Variants in CHIC1 observed in about 807,000 individuals in gnomAD.
The protein encoded by CHIC1 is cysteine-rich hydrophobic domain-containing protein 1.
A neutral mutation model predicts 18.5 loss-of-function variants in CHIC1; 7 were observed. That is an observed-to-expected ratio of 0.38 (90% CI 0.22 to 0.71). The LOEUF (loss-of-function observed/expected upper bound fraction) is 0.71, where lower values mean the gene tolerates loss of function less well. Ranked by LOEUF, CHIC1 falls within the 30% of genes least tolerant of loss-of-function variation. The pLI is 0.49. For missense variants in CHIC1, 159 were observed against 176.9 expected, an observed-to-expected ratio of 0.90 and a Z score of 0.57; for synonymous variants, 77 against 73.5, an observed-to-expected ratio of 1.05 and a Z score of -0.25.
chrX:73,619,315 T>C (rs1293217623), intron 3 of CHIC1, among the ~76,000 whole-genome samples: 1 of 111,524 alleles, frequency 9.0e-6, no homozygotes, highest in Non-Finnish European at 1.9e-5. Flanking sequence ...AATTTAGTCC[T>C]GCCTCCTATC....
chrX:73,686,519 A>G lies in CHIC1; in HGVS notation c.*5514A>G, dbSNP rs1241521313. On this transcript the variant is annotated 3_prime_UTR_variant, in exon 6 of 6. Transcript: ENST00000373502. ...TTCTGTGTATAAATTCAACATGATG[A>G]ATCAAGGCAATAATTTCTCAAATGT... 1 of 111,970 alleles carries G rather than the reference A, an allele frequency of 8.9e-6. No homozygotes were observed. The highest frequency in any genetic ancestry group is 1.9e-5 in the Non-Finnish European group (1 of 53,021). 9.2% of individuals were successfully genotyped at this position (111,970 alleles called of 1,213,427 possible). A position where few individuals can be genotyped will look rare whatever the true frequency, so the allele number is the denominator to read the frequency against.
At chrX:73,577,605 T>G (rs2057506184) in intron 2 of CHIC1, 144 bp downstream of exon 2, 1 of 401,132 alleles carries the variant, frequency 2.5e-6, no homozygotes. Context: ...TTATAGTGTT[T>G]GAAAGCTGTT....
chrX:73,642,463 G>C (rs771644246), intron 3 of CHIC1, among the ~76,000 whole-genome samples: 4 of 108,670 alleles, frequency 3.7e-5, no homozygotes, highest in Non-Finnish European at 7.7e-5. Context: ...CTCCCATTTT[G>C]TAGGTTGCCT....
chrX:73,659,376 T>TTTC (rs1792953808), intron 3 of CHIC1, among the ~76,000 whole-genome samples: 1 of 96,646 alleles, frequency 1.0e-5, no homozygotes, highest in African/African-American at 3.8e-5. Flanking sequence ...TTTTCTTTTT[T>TTTC]TTTTTTTTTT....
intron 3 of CHIC1, among the ~76,000 whole-genome samples, chrX:73,646,972 T>C (rs755389085): frequency 2.8e-4 from 31 of 112,325 alleles, no homozygotes; most frequent in African/African-American, 9.7e-4. Flanking sequence ...ATTTGATTTT[T>C]GTATATGGTG....
At chrX:73,655,649 GTATATATA>G (rs75147852) in intron 3 of CHIC1, among the ~76,000 whole-genome samples, 27 of 67,578 alleles carry the variant, frequency 4.0e-4, no homozygotes, top group African/African-American at 1.0e-3. Context: ...GTGTGTGTGT[GTATATATA>G]TATATATATA....
intron 3 of CHIC1, among the ~76,000 whole-genome samples, chrX:73,595,499 G>A (rs1207603436): frequency 9.0e-6 from 1 of 111,254 alleles, no homozygotes; most frequent in Non-Finnish European, 1.9e-5. Context: ...CAAAGGACAT[G>A]AACTCATTCT....
At chrX:73,623,680 CA>C (rs1018850880) in intron 3 of CHIC1, among the ~76,000 whole-genome samples, 1 of 110,506 alleles carries the variant, frequency 9.0e-6, no homozygotes, top group Admixed American at 9.7e-5. Flanking sequence ...CTAAACTTAG[CA>C]AAAAAAATTT....
intron 3 of CHIC1, among the ~76,000 whole-genome samples, chrX:73,643,213 T>G (rs1337361328): frequency 9.0e-6 from 1 of 111,653 alleles, no homozygotes; most frequent in Non-Finnish European, 1.9e-5. Context: ...TCTTCTGGCT[T>G]GTAGAGTTTC....
intron 3 of CHIC1, among the ~76,000 whole-genome samples, chrX:73,624,355 A>T (rs778121304): frequency 8.9e-6 from 1 of 112,112 alleles, no homozygotes; most frequent in African/African-American, 3.2e-5. Flanking sequence ...TTTGAGAGGG[A>T]TCTATCTGAT....
intron 3 of CHIC1, among the ~76,000 whole-genome samples, chrX:73,651,971 C>G (rs766988872): frequency 8.9e-6 from 1 of 112,109 alleles, no homozygotes; most frequent in South Asian, 3.7e-4. Flanking sequence ...AGGCATCACA[C>G]TACCTGACTT....
rs925602498 is a variant in CHIC1, at chrX:73,640,170, T to C, written c.508-39156T>C. 4.5e-5 allele frequency among the ~76,000 whole-genome samples: 5 copies of C among 111,934 alleles called. No homozygotes were observed. The East Asian group carries it at 1.1e-3, about 25-fold the overall frequency. ...CGGTATGGTGTTGGCTGTGGGTTTG[T>C]TCTAGATGTGTCTTATTACTTTAAA... On this transcript the variant is annotated intron_variant, in intron 3 of 5. Transcript: ENST00000373502.
intron 3 of CHIC1, among the ~76,000 whole-genome samples, chrX:73,602,262 A>G (rs192919251): frequency 9.1e-6 from 1 of 109,317 alleles, no homozygotes; most frequent in South Asian, 3.7e-4. Context: ...CTGTTTCTCT[A>G]ATGACCAGTG....
chrX:73,628,332 T>C (rs1460578477), intron 3 of CHIC1, among the ~76,000 whole-genome samples: 1 of 111,974 alleles, frequency 8.9e-6, no homozygotes, highest in Non-Finnish European at 1.9e-5. Context: ...GTCCACTGTT[T>C]CTGGGACTAT....
At chrX:73,575,964 TATTA>T (rs1348743784) in intron 1 of CHIC1, among the ~76,000 whole-genome samples, 2 of 110,089 alleles carry the variant, frequency 1.8e-5, no homozygotes, top group South Asian at 7.5e-4. Context: ...ATCCTTATTC[TATTA>T]ATTTTTTTTT....
Position 73,600,699 on chromosome X carries a change from C to T in CHIC1, c.507+16127C>T, listed in dbSNP as rs371140526. On this transcript the variant is annotated intron_variant, in intron 3 of 5. Coordinates refer to ENST00000373502, the MANE Select transcript of CHIC1 (RefSeq NM_001039840.4). ...GGGATGAAGCCCACTTGATCATGGT[C>T]GATAAGCTTTTTGATGTGCTGCTGG... Among the ~76,000 whole-genome samples the T allele has an allele frequency of 4.6e-4, 49 of 106,686 alleles. No homozygotes were observed. In the South Asian group the frequency reaches 0.018, roughly 40 times the overall value. The allele number at this position is 106,686 out of a possible 115,157, so 92.6% of individuals were successfully genotyped here.
At chrX:73,591,269 C>G (rs1042781521) in intron 3 of CHIC1, among the ~76,000 whole-genome samples, 1 of 110,506 alleles carries the variant, frequency 9.0e-6, no homozygotes, top group Non-Finnish European at 1.9e-5. Context: ...CTATGACCCC[C>G]CTTTTTTTAA....
chrX:73,664,297 C>A lies in CHIC1; in HGVS notation c.508-15029C>A, dbSNP rs1437285386. 2.7e-5 allele frequency among the ~76,000 whole-genome samples: 3 copies of A among 111,445 alleles called. No individual in the cohort carries two copies. In the Admixed American group the frequency reaches 2.9e-4, roughly 11 times the overall value. ...GGTTGTTTTCCTGAGTTACCTTAGT[C>A]TCTACTATTGGGGGGCATTCCCACT... On this transcript the variant is annotated intron_variant, in intron 3 of 5. Coordinates refer to ENST00000373502, the MANE Select transcript of CHIC1 (RefSeq NM_001039840.4).
At chrX:73,615,505 C>T (rs976857908) in intron 3 of CHIC1, among the ~76,000 whole-genome samples, 2 of 111,894 alleles carry the variant, frequency 1.8e-5, no homozygotes, top group African/African-American at 6.5e-5. Flanking sequence ...AGACAAGTCC[C>T]CAGGCCTTCA....
Sources: gnomAD v4.1 joint callset for allele counts (sites outside exome capture counted in the v4.1 genomes callset) on GRCh38, gnomAD v4.1.1 for gene constraint, MANE v1.5 for transcripts, NCBI Gene and HGNC (gene_info 2026-07-23, HGNC 2026-07-21) for gene names.